NFIC: variants seen among roughly 807,000 people sequenced by gnomAD.
NFIC encodes nuclear factor 1 C-type.
In NFIC, 12 loss-of-function variants were observed where a neutral mutation model predicts 54.4. That is an observed-to-expected ratio of 0.22 (90% CI 0.14 to 0.36). NFIC has a LOEUF of 0.36. Among genes scored for constraint, NFIC ranks in the 10% least tolerant of loss-of-function variants. The pLI, the probability that NFIC is intolerant of heterozygous loss-of-function variation, is 1.00. For synonymous variants in NFIC, 322 were observed against 319.2 expected (o/e 1.01, Z -0.09); for missense variants, 575 against 718.2 (o/e 0.80, Z 2.28).
intron 2 of NFIC, among the ~76,000 whole-genome samples, chr19:3,409,132 C>A (rs898591047): frequency 6.6e-6 from 1 of 152,152 alleles, no homozygotes; most frequent in Non-Finnish European, 1.5e-5. Flanking sequence ...ACACACAAGG[C>A]CCCGAATGGT....
intron 9 of NFIC, 50 bp from the exon 10 acceptor site, chr19:3,456,500 G>C (rs1162965593): frequency 3.3e-6 from 5 of 1,537,264 alleles, no homozygotes; most frequent in Non-Finnish European, 3.5e-6. Flanking sequence ...GGCCGCCCCG[G>C]CTCCCACAAC....
chr19:3,434,970 A>G, intron 5 of NFIC, 113 bp from the exon 6 acceptor site: 2 of 1,356,096 alleles, frequency 1.5e-6, no homozygotes, highest in Non-Finnish European at 2.0e-6. Flanking sequence ...GTCTCGCGAT[A>G]CTACCTCCCT....
At chr19:3,417,035 C>T (rs1673114436) in intron 2 of NFIC, among the ~76,000 whole-genome samples, 1 of 144,072 alleles carries the variant, frequency 6.9e-6, no homozygotes, top group African/African-American at 2.4e-5. Context: ...AGGCGCCCGC[C>T]ACCAGGCCCA....
chr19:3,443,699 C>G (rs2082327597), intron 6 of NFIC, among the ~76,000 whole-genome samples: 1 of 152,126 alleles, frequency 6.6e-6, no homozygotes, highest in South Asian at 2.1e-4. Context: ...GTGATCCTGA[C>G]CCCAGAGGAC....
chr19:3,374,993 C>T (rs1360038845), intron 1 of NFIC, among the ~76,000 whole-genome samples: 6 of 151,786 alleles, frequency 4.0e-5, no homozygotes, highest in Non-Finnish European at 7.4e-5. Flanking sequence ...CACCTGTCCC[C>T]GGAAAGGGCA....
chr19:3,404,099 C>T (rs948906531), intron 2 of NFIC, among the ~76,000 whole-genome samples: 1 of 151,802 alleles, frequency 6.6e-6, no homozygotes, highest in Admixed American at 6.6e-5. Flanking sequence ...CCCGTGGGCA[C>T]ATGTGGCTCC....
chr19:3,458,166 A>C lies in NFIC; in HGVS notation c.1509+1531A>C, dbSNP rs1164244269. 6.6e-6 allele frequency among the ~76,000 whole-genome samples: 1 copy of C among 152,264 alleles called. No individual in the cohort carries two copies. The highest frequency in any genetic ancestry group is 1.9e-4 in the East Asian group (1 of 5,170). On this transcript the variant is annotated intron_variant, in intron 10 of 10. Transcript: ENST00000443272. This position sits in a 1 kb window ranked among gnomAD's most constrained non-coding sequence, Gnocchi z 4.1. ...CTGCCTTGCACCCATAGAGCCCCGGAGAGGGAGTAACTTGGTCAGGGTCCC... is the reference window on the plus strand; with the variant it reads ...CTGCCTTGCACCCATAGAGCCCCGGCGAGGGAGTAACTTGGTCAGGGTCCC...
chr19:3,366,288 C>T (rs986880665), upstream of NFIC, among the ~76,000 whole-genome samples: 20 of 148,228 alleles, frequency 1.3e-4, no homozygotes, highest in Non-Finnish European at 2.7e-4. Flanking sequence ...CTTTCTCGCT[C>T]GCGCCCTTTT....
At chr19:3,396,875 G>C (rs973038538) in intron 2 of NFIC, among the ~76,000 whole-genome samples, 3 of 152,184 alleles carry the variant, frequency 2.0e-5, no homozygotes, top group Non-Finnish European at 2.9e-5. Flanking sequence ...AGAATCGCTT[G>C]AACCCAGGAG....
intron 2 of NFIC, among the ~76,000 whole-genome samples, chr19:3,412,105 C>T (rs980879955): frequency 1.3e-5 from 2 of 152,192 alleles, no homozygotes; most frequent in African/African-American, 4.8e-5. Flanking sequence ...TTTCTTAAGA[C>T]AGGGTCTCAG....
Position 3,442,639 on chromosome 19 carries a change from G to A in NFIC, c.959-6375G>A, listed in dbSNP as rs562279602. 2.4e-4 allele frequency among the ~76,000 whole-genome samples: 36 copies of A among 152,060 alleles called. 1 individual carries two copies. The highest frequency in any genetic ancestry group is 1.6e-3 in the Admixed American group (25 of 15,272). ...TGACCTCAAGTGATCCGCCCGCCTC[G>A]GCCTCCCACAGTGCTAGGATGACAG... On this transcript the variant is annotated intron_variant, in intron 6 of 10. Coordinates refer to ENST00000443272, the MANE Select transcript of NFIC (RefSeq NM_001245002.2).
chr19:3,396,618 C>T (rs1263295463), intron 2 of NFIC, among the ~76,000 whole-genome samples: 2 of 152,112 alleles, frequency 1.3e-5, no homozygotes, highest in African/African-American at 2.4e-5. Context: ...AACAGGGACA[C>T]CACGGCCGCT....
At chr19:3,445,205 A>G (rs556477851) in intron 6 of NFIC, among the ~76,000 whole-genome samples, 14 of 152,102 alleles carry the variant, frequency 9.2e-5, no homozygotes, top group South Asian at 8.3e-4. Flanking sequence ...ATTCACATGC[A>G]CACACACACG....
rs1020760298 is a variant in NFIC at position 3,459,104 on chromosome 19, C to G, written c.1509+2469C>G. Among the ~76,000 whole-genome samples the G allele has an allele frequency of 2.0e-5, 3 of 152,152 alleles. No individual in the cohort carries two copies. Among genetic ancestry groups the G allele is most frequent in the African/African-American group, 7.2e-5 (3 of 41,420 alleles). On this transcript the variant is annotated intron_variant, in intron 10 of 10. Transcript: ENST00000443272. The surrounding 1 kb of genome is among the most constrained non-coding windows in gnomAD (Gnocchi z 4.2). ...CCTGAGCTTGGAGGCCTCTCATTTC[C>G]GATTCTGGCCAGTCAGCACTTCTGC...
chr19:3,383,446 G>A (rs953872397), intron 2 of NFIC, among the ~76,000 whole-genome samples: 18 of 152,180 alleles, frequency 1.2e-4, no homozygotes, highest in Admixed American at 1.3e-4. Flanking sequence ...CTCTGGTCCC[G>A]GTGCTAAGAG....
rs190017452 is a variant in NFIC at position 3,407,335 on chromosome 19, G to C, written c.563-17771G>C. On this transcript the variant is annotated intron_variant, in intron 2 of 10. Coordinates refer to ENST00000443272, the MANE Select transcript of NFIC (RefSeq NM_001245002.2). Reference sequence around the variant, plus strand: ...TCACTGTGTTAGCCAGGATGGTCTCGATCTCCTGACCTCGTGATCCACCCG... The same window carrying C: ...TCACTGTGTTAGCCAGGATGGTCTCCATCTCCTGACCTCGTGATCCACCCG... 5.1e-3 allele frequency among the ~76,000 whole-genome samples: 780 copies of C among 152,028 alleles called. 8 individuals are homozygous for C. Among genetic ancestry groups the C allele is most frequent in the African/African-American group, 0.018 (749 of 41,450 alleles).
At chr19:3,362,803 G>T (rs2080827176), upstream of NFIC, among the ~76,000 whole-genome samples, 1 of 152,148 alleles carries the variant, frequency 6.6e-6, no homozygotes, top group African/African-American at 2.4e-5. Flanking sequence ...CAGGTGCGGG[G>T]CTAGGGGAGG....
intron 1 of NFIC, among the ~76,000 whole-genome samples, chr19:3,374,841 C>T (rs1412255013): frequency 6.6e-6 from 1 of 152,126 alleles, no homozygotes; most frequent in East Asian, 1.9e-4. Context: ...CCCTGCCTCT[C>T]ACGTGGTCTG....
upstream of NFIC, among the ~76,000 whole-genome samples, chr19:3,365,969 G>GGTC (rs3840947): frequency 3.1e-4 from 47 of 152,264 alleles, 1 homozygote; most frequent in East Asian, 8.5e-3. Context: ...GTGCACCCAG[G>GGTC]GTCGTACATC....
Sources: gnomAD v4.1 joint callset for allele counts (sites outside exome capture counted in the v4.1 genomes callset) on GRCh38, gnomAD v4.1.1 for gene constraint, Gnocchi (gnomAD v3.1) non-coding constraint, MANE v1.5 for transcripts, NCBI Gene and HGNC (gene_info 2026-07-23, HGNC 2026-07-21) for gene names.